SIN3A: variants seen among roughly 807,000 people sequenced by gnomAD.
SIN3A encodes paired amphipathic helix protein Sin3a.
SIN3A carries 14 observed loss-of-function variants against 146.1 expected under a neutral mutation model. That is an observed-to-expected ratio of 0.10 (90% CI 0.06 to 0.15). The LOEUF (loss-of-function observed/expected upper bound fraction) is 0.15, where lower values mean the gene tolerates loss of function less well. SIN3A is among the 10% of genes least tolerant of loss of function. SIN3A has a pLI of 1.00. For synonymous variants in SIN3A, 572 were observed against 572.0 expected, an observed-to-expected ratio of 1.00 and a Z score of 0.00; for missense variants, 1,028 against 1,576.0, an observed-to-expected ratio of 0.65 and a Z score of 5.89.
At chr15:75,444,759 A>G (rs981674938) in intron 1 of SIN3A, among the ~76,000 whole-genome samples, 3 of 152,204 alleles carry the variant, frequency 2.0e-5, no homozygotes, top group African/African-American at 7.2e-5. Context: ...AAATTTAGTT[A>G]AATTCAAAAT....
Position 75,389,826 on chromosome 15 carries a change from G to A in SIN3A, c.2852-5C>T, listed in dbSNP as rs1006450172. The A allele has an allele frequency of 1.2e-6, 2 of 1,613,594 alleles. No individual in the cohort carries two copies. The highest frequency in any genetic ancestry group is 2.7e-5 in the African/African-American group (2 of 74,930). Reference sequence around the variant, plus strand: ...AATCTTCTACATCAACATCCACTGTGGGAGAGATGGGATTGGTGAGGCCTT... The same window carrying A: ...AATCTTCTACATCAACATCCACTGTAGGAGAGATGGGATTGGTGAGGCCTT... On this transcript the variant is annotated splice_region_variant and splice_polypyrimidine_tract_variant and intron_variant, in intron 15 of 20. Transcript: ENST00000394947.
chr15:75,382,767 T>C (rs1468152546), intron 17 of SIN3A, among the ~76,000 whole-genome samples: 3 of 152,034 alleles, frequency 2.0e-5, no homozygotes, highest in Admixed American at 2.0e-4. Flanking sequence ...CCCAACATGG[T>C]GAAACCACAT....
rs928377292 is a variant in SIN3A at position 75,434,478 on chromosome 15, T to C, written c.-33-4070A>G. On this transcript the variant is annotated intron_variant, in intron 1 of 20. Coordinates refer to ENST00000394947, the MANE Select transcript of SIN3A (RefSeq NM_001145358.2). ...CAGACCGGCCAACATGGTGAAACCC[T>C]CCCTCTACTAAAAATACAAAAATTA... 3.3e-5 allele frequency among the ~76,000 whole-genome samples: 5 copies of C among 151,868 alleles called. No individual in the cohort carries two copies. The East Asian group carries it at 7.8e-4, about 24-fold the overall frequency.
At chr15:75,399,455 G>C (rs1426309802) in intron 12 of SIN3A, among the ~76,000 whole-genome samples, 1 of 152,028 alleles carries the variant, frequency 6.6e-6, no homozygotes, top group Non-Finnish European at 1.5e-5. Context: ...ATGAACCTGG[G>C]AGGCAGAGCT....
At chr15:75,398,360 T>C (rs2073342553) in intron 12 of SIN3A, among the ~76,000 whole-genome samples, 1 of 152,172 alleles carries the variant, frequency 6.6e-6, no homozygotes, top group Admixed American at 6.5e-5. Context: ...CACTCCACTC[T>C]TCCCTTCCTA....
chr15:75,419,988 C>T (rs2073812579), intron 3 of SIN3A: 1 of 152,056 alleles, frequency 6.6e-6, no homozygotes, highest in African/African-American at 2.4e-5. Context: ...TCTATAAATG[C>T]ATGTATACAG....
intron 16 of SIN3A, among the ~76,000 whole-genome samples, chr15:75,386,549 T>G (rs1217249037): frequency 1.3e-5 from 2 of 152,134 alleles, no homozygotes; most frequent in Non-Finnish European, 2.9e-5. Context: ...AGCATCTGTA[T>G]GGAAAGGTCT....
intron 15 of SIN3A, among the ~76,000 whole-genome samples, chr15:75,390,316 G>C (rs1595893450): frequency 1.3e-5 from 2 of 152,194 alleles, no homozygotes; most frequent in East Asian, 1.9e-4. Context: ...AAAAATAGGA[G>C]TGCAAATTAA....
chr15:75,406,680 C>T (rs1035238505), intron 9 of SIN3A, among the ~76,000 whole-genome samples: 1 of 151,454 alleles, frequency 6.6e-6, no homozygotes, highest in Non-Finnish European at 1.5e-5. Context: ...AGCGAGACTC[C>T]GTCTCAAAAA....
At chr15:75,407,627 T>C (rs1350619396) in intron 8 of SIN3A, among the ~76,000 whole-genome samples, 1 of 152,080 alleles carries the variant, frequency 6.6e-6, no homozygotes, top group Non-Finnish European at 1.5e-5. Flanking sequence ...GCATGGTGAC[T>C]CATGCCTGTA....
intron 12 of SIN3A, among the ~76,000 whole-genome samples, chr15:75,396,706 T>A (rs1030248526): frequency 2.0e-5 from 3 of 152,170 alleles, no homozygotes; most frequent in African/African-American, 7.2e-5. Flanking sequence ...AATGATACAA[T>A]CCACATAAAG....
chr15:75,446,973 T>C (rs896500962), intron 1 of SIN3A, among the ~76,000 whole-genome samples: 11 of 152,056 alleles, frequency 7.2e-5, no homozygotes, highest in Admixed American at 2.0e-4. Context: ...GAGACCATGT[T>C]AGCCAGGATG....
intron 2 of SIN3A, among the ~76,000 whole-genome samples, chr15:75,426,551 G>A (rs1436124450): frequency 6.6e-6 from 1 of 152,284 alleles, no homozygotes; most frequent in East Asian, 1.9e-4. Context: ...GTTATATGCT[G>A]AAGTAGAAAG....
intron 9 of SIN3A, among the ~76,000 whole-genome samples, chr15:75,402,327 C>T (rs1185509952): frequency 6.6e-6 from 1 of 152,066 alleles, no homozygotes; most frequent in Non-Finnish European, 1.5e-5. Flanking sequence ...GACTGGCCAA[C>T]ATGCTGAAAC....
Position 75,394,873 on chromosome 15 carries a change from C to A in SIN3A, c.2094-10G>T, listed in dbSNP as rs565316990. 4.6e-4 allele frequency: 743 copies of A among 1,609,510 alleles called. 3 individuals are homozygous for A. In the South Asian group the frequency reaches 7.6e-3, roughly 17 times the overall value. On this transcript the variant is annotated splice_polypyrimidine_tract_variant and intron_variant, in intron 13 of 20. Transcript: ENST00000394947. ...CTCTTTCATCTTCAACCTAGTGAAG[C>A]GGGAAGGGATGGAAACAACACATGG...
At chr15:75,401,738 G>A in intron 10 of SIN3A, 114 bp downstream of exon 10, 1 of 666,738 alleles carries the variant, frequency 1.5e-6, no homozygotes, top group African/African-American at 1.8e-5. Context: ...ACTAACATTT[G>A]AGTCAACTGA....
intron 17 of SIN3A, among the ~76,000 whole-genome samples, chr15:75,383,292 T>TA (rs1391757159): frequency 6.6e-6 from 1 of 151,160 alleles, no homozygotes; most frequent in Non-Finnish European, 1.5e-5. Flanking sequence ...AAAAAAAAGT[T>TA]AAAGACCATT....
intron 2 of SIN3A, among the ~76,000 whole-genome samples, chr15:75,425,418 T>C (rs2073908432): frequency 6.6e-6 from 1 of 152,238 alleles, no homozygotes; most frequent in African/African-American, 2.4e-5. Context: ...TCCACCCGTC[T>C]TGGGCTCCCA....
At chr15:75,376,945 C>T (rs1000512546) in intron 19 of SIN3A, among the ~76,000 whole-genome samples, 1 of 151,120 alleles carries the variant, frequency 6.6e-6, no homozygotes, top group Admixed American at 6.6e-5. Context: ...CTGTAGACAG[C>T]AGTTCTTTGT....
Sources: allele counts gnomAD v4.1 joint callset (sites outside exome capture counted in the v4.1 genomes callset), GRCh38; gene constraint gnomAD v4.1.1; transcripts MANE v1.5; gene names NCBI Gene and HGNC (gene_info 2026-07-23, HGNC 2026-07-21).